The following HLCS variants were observed in gnomAD, a reference collection of about 807,000 sequenced individuals.
The protein encoded by HLCS is holocarboxylase synthetase, also known as biotin--protein ligase.
In HLCS, 53 loss-of-function variants were observed where a neutral mutation model predicts 75.0. That is an observed-to-expected ratio of 0.71 (90% CI 0.57 to 0.89). The LOEUF is 0.89. Ranked by LOEUF, HLCS falls within the 40% of genes least tolerant of loss-of-function variation. The pLI is 0.00. For missense variants in HLCS, 966 were observed against 1,074.0 expected, an observed-to-expected ratio of 0.90 and a Z score of 1.41; for synonymous variants, 431 against 428.6, an observed-to-expected ratio of 1.01 and a Z score of -0.07.
At chr21:36,965,571 C>T (rs1326116728) in intron 1 of HLCS, among the ~76,000 whole-genome samples, 1 of 152,120 alleles carries the variant, frequency 6.6e-6, no homozygotes. Flanking sequence ...GGCTGACTGT[C>T]AACTGAAATT....
upstream of HLCS, among the ~76,000 whole-genome samples, chr21:36,967,686 A>G (rs184233074): frequency 1.3e-4 from 20 of 152,354 alleles, no homozygotes; most frequent in Middle Eastern, 6.8e-3. Context: ...AAAAGCAATC[A>G]TGTACACCAC....
At chr21:36,911,570 C>G (rs1328464848) in intron 5 of HLCS, among the ~76,000 whole-genome samples, 3 of 151,738 alleles carry the variant, frequency 2.0e-5, no homozygotes, top group African/African-American at 7.3e-5. Context: ...CGGTGAAACC[C>G]CGTATCTACT....
Position 36,872,658 on chromosome 21 carries a change from C to T in HLCS, c.1892+24202G>A, listed in dbSNP as rs78807076. 7.7e-3 allele frequency among the ~76,000 whole-genome samples: 1,166 copies of T among 152,300 alleles called. 7 individuals are homozygous for T. Among genetic ancestry groups the T allele is most frequent in the African/African-American group, 0.023 (975 of 41,568 alleles). On this transcript the variant is annotated intron_variant, in intron 6 of 10. Coordinates refer to ENST00000674895, the MANE Select transcript of HLCS (RefSeq NM_001352514.2). ...CACTCTGCATAATGTTTTTGAGATTCGTGCAAGCTCATTCCTTTTTATTGC... is the reference window on the plus strand; with the variant it reads ...CACTCTGCATAATGTTTTTGAGATTTGTGCAAGCTCATTCCTTTTTATTGC...
intron 6 of HLCS, among the ~76,000 whole-genome samples, chr21:36,895,052 C>G (rs1214994866): frequency 6.6e-6 from 1 of 152,056 alleles, no homozygotes; most frequent in East Asian, 1.9e-4. Context: ...GCGCTGCCCT[C>G]TTGGTGACGC....
At chr21:36,792,481 G>GGGAAGGGAT (rs1369564993) in intron 6 of HLCS, among the ~76,000 whole-genome samples, 2 of 146,514 alleles carry the variant, frequency 1.4e-5, no homozygotes, top group South Asian at 4.8e-4. Flanking sequence ...GAGAGGGGGA[G>GGGAAGGGAT]GGAAGGGATG....
intron 6 of HLCS, among the ~76,000 whole-genome samples, chr21:36,883,866 A>G (rs1301398762): frequency 1.4e-4 from 21 of 152,202 alleles, no homozygotes; most frequent in Admixed American, 1.4e-3. Context: ...GCACTCAGAC[A>G]CAAGAATCCA....
chr21:36,959,907 C>A (rs1389148385), intron 2 of HLCS, among the ~76,000 whole-genome samples: 1 of 152,182 alleles, frequency 6.6e-6, no homozygotes, highest in African/African-American at 2.4e-5. Context: ...GTACTCACTA[C>A]ATTGCAGGCA....
chr21:36,924,900 C>T (rs1053660618), intron 5 of HLCS, among the ~76,000 whole-genome samples: 2 of 152,076 alleles, frequency 1.3e-5, no homozygotes, highest in Non-Finnish European at 2.9e-5. Context: ...AAGCTATCAA[C>T]GTCTGAAAAG....
At chr21:36,797,037 T>C (rs2061047066) in intron 6 of HLCS, among the ~76,000 whole-genome samples, 1 of 152,070 alleles carries the variant, frequency 6.6e-6, no homozygotes, top group Non-Finnish European at 1.5e-5. Flanking sequence ...CGGCTAATTT[T>C]TGTATTTTTA....
At chr21:36,792,542 T>C (rs1324930585) in intron 6 of HLCS, among the ~76,000 whole-genome samples, 1 of 151,760 alleles carries the variant, frequency 6.6e-6, no homozygotes, top group Non-Finnish European at 1.5e-5. Context: ...CATCAGCCAA[T>C]TGTGCTACGT....
chr21:36,920,844 C>T (rs904411106), intron 5 of HLCS, among the ~76,000 whole-genome samples: 62 of 152,118 alleles, frequency 4.1e-4, no homozygotes, highest in African/African-American at 1.4e-3. Flanking sequence ...AAACTTAAAT[C>T]CTGAAATGCA....
chr21:36,901,237 G>A (rs1229312823), intron 5 of HLCS, among the ~76,000 whole-genome samples: 3 of 151,662 alleles, frequency 2.0e-5, no homozygotes, highest in African/African-American at 4.9e-5. Flanking sequence ...AGAAAGACTC[G>A]GTCTCAAAAT....
intron 6 of HLCS, among the ~76,000 whole-genome samples, chr21:36,814,551 G>A (rs2061604535): frequency 6.6e-6 from 1 of 152,214 alleles, no homozygotes; most frequent in South Asian, 2.1e-4. Context: ...ATAATATGGG[G>A]AATGAGAAAT....
chr21:36,919,461 G>C (rs898142504), intron 5 of HLCS, among the ~76,000 whole-genome samples: 2 of 152,220 alleles, frequency 1.3e-5, no homozygotes, highest in African/African-American at 2.4e-5. Context: ...TGGAGAAGTA[G>C]AAAGAGATGC....
chr21:36,795,063 G>C (rs1050316151), intron 6 of HLCS, among the ~76,000 whole-genome samples: 2 of 152,108 alleles, frequency 1.3e-5, no homozygotes, highest in Non-Finnish European at 2.9e-5. Flanking sequence ...ATGGTTCTTA[G>C]AACCATGGGA....
chr21:36,975,131 A>C (rs2068902009), intron 1 of HLCS: 1 of 152,106 alleles, frequency 6.6e-6, no homozygotes, highest in Non-Finnish European at 1.5e-5. Context: ...CTCAAAGGCA[A>C]CATGAATAAA....
intron 6 of HLCS, among the ~76,000 whole-genome samples, chr21:36,815,528 A>G (rs1363204216): frequency 6.6e-6 from 1 of 152,348 alleles, no homozygotes; most frequent in Middle Eastern, 3.4e-3. Flanking sequence ...TTCTCATATT[A>G]TTACTGAGAA....
intron 5 of HLCS, among the ~76,000 whole-genome samples, chr21:36,914,304 G>A (rs1056878928): frequency 6.6e-6 from 1 of 152,120 alleles, no homozygotes; most frequent in Admixed American, 6.5e-5. Context: ...CTGATCTAGC[G>A]ATGAGCCCAA....
intron 6 of HLCS, among the ~76,000 whole-genome samples, chr21:36,814,982 G>C (rs1425083774): frequency 6.6e-6 from 1 of 152,010 alleles, no homozygotes; most frequent in Non-Finnish European, 1.5e-5. Flanking sequence ...TGAGTGTGTG[G>C]ATGTGTGGCT....
Sources: allele counts gnomAD v4.1 joint callset (sites outside exome capture counted in the v4.1 genomes callset), GRCh38; gene constraint gnomAD v4.1.1; transcripts MANE v1.5; gene names NCBI Gene and HGNC (gene_info 2026-07-23, HGNC 2026-07-21).